Variants in TBC1D9 observed in about 807,000 individuals in gnomAD.
TBC1D9 encodes the protein TBC1 domain family member 9.
TBC1D9 carries 63 observed loss-of-function variants against 132.0 expected under a neutral mutation model. The observed-to-expected ratio is 0.48, with a 90% CI of 0.39 to 0.59. The LOEUF (loss-of-function observed/expected upper bound fraction) is 0.59, where lower values mean the gene tolerates loss of function less well. TBC1D9 is among the 20% of genes least tolerant of loss of function. TBC1D9 has a pLI of 0.00. For synonymous variants in TBC1D9, 610 were observed against 609.9 expected (o/e 1.00, Z 0.00); for missense variants, 1,261 against 1,592.7 (o/e 0.79, Z 3.54).
intron 2 of TBC1D9, among the ~76,000 whole-genome samples, chr4:140,686,708 T>C (rs1737787628): frequency 6.6e-6 from 1 of 152,144 alleles, no homozygotes; most frequent in Non-Finnish European, 1.5e-5. Context: ...TGCAGAGGCT[T>C]TGAGGACACT....
Position 140,745,218 on chromosome 4 carries a change from T to C in TBC1D9, c.130+10698A>G, listed in dbSNP as rs545557048. 1.7e-4 allele frequency among the ~76,000 whole-genome samples: 26 copies of C among 152,350 alleles called. No homozygotes were observed. In the South Asian group the frequency reaches 5.4e-3, roughly 32 times the overall value. ...ACCTTGGACATGTTCTCAGGACCTC[T>C]TGAGAATGTGCCTTGGACCACAGTC... On this transcript the variant is annotated intron_variant, in intron 1 of 20. Transcript: ENST00000442267.
At chr4:140,729,086 T>G (rs1182375529) in intron 1 of TBC1D9, among the ~76,000 whole-genome samples, 4 of 152,172 alleles carry the variant, frequency 2.6e-5, no homozygotes, top group Non-Finnish European at 5.9e-5. Context: ...CTTCTTACTC[T>G]TTCCTGTTTT....
chr4:140,661,061 C>G (rs1737351542), intron 10 of TBC1D9, among the ~76,000 whole-genome samples: 1 of 152,094 alleles, frequency 6.6e-6, no homozygotes, highest in African/African-American at 2.4e-5. Flanking sequence ...ACTACAGGCA[C>G]CTGCCACCAC....
At chr4:140,665,635 T>C (rs1737431109) in intron 9 of TBC1D9, among the ~76,000 whole-genome samples, 1 of 152,194 alleles carries the variant, frequency 6.6e-6, no homozygotes, top group Non-Finnish European at 1.5e-5. Flanking sequence ...AAAAAACCTG[T>C]ATTTAAAAAA....
At chr4:140,721,233 C>G (rs369005259) in intron 1 of TBC1D9, among the ~76,000 whole-genome samples, 1 of 152,152 alleles carries the variant, frequency 6.6e-6, no homozygotes, top group South Asian at 2.1e-4. Flanking sequence ...GTACTAGATA[C>G]GCCACACATA....
intron 2 of TBC1D9, among the ~76,000 whole-genome samples, chr4:140,697,015 G>A (rs1157811388): frequency 6.6e-6 from 1 of 152,100 alleles, no homozygotes; most frequent in Non-Finnish European, 1.5e-5. Flanking sequence ...AGAAGCTTCT[G>A]CTCTTAAAAT....
chr4:140,727,746 T>C (rs1738522798), intron 1 of TBC1D9, among the ~76,000 whole-genome samples: 1 of 151,948 alleles, frequency 6.6e-6, no homozygotes, highest in Non-Finnish European at 1.5e-5. Flanking sequence ...TAATATCTGT[T>C]CCATGAGTGA....
chr4:140,718,405 C>G (rs1738371883), intron 1 of TBC1D9, among the ~76,000 whole-genome samples: 1 of 152,106 alleles, frequency 6.6e-6, no homozygotes, highest in South Asian at 2.1e-4. Context: ...ATTACTCTCT[C>G]CTCTGAATGA....
Position 140,639,333 on chromosome 4 carries a change from G to C in TBC1D9, c.2433C>G (p.Asn811Lys). 1 of 1,609,336 alleles carries C rather than the reference G, an allele frequency of 6.2e-7. No homozygotes were observed. The highest frequency in any genetic ancestry group is 8.5e-7 in the Non-Finnish European group (1 of 1,177,464). The change falls in exon 14 of 21, where the codon AAC becomes AAG. Residue 811 changes from asparagine to lysine, a missense_variant. Asn to Lys is a moderately conservative substitution (Grantham distance 94, BLOSUM62 0). This residue lies in a region of TBC1D9 where 618 missense variants were observed against 724.4 expected (regional missense o/e 0.85). Transcript: ENST00000442267. The stretch of plus-strand genomic sequence containing the variant: ...TGCTACTTCTTAAAGGACTTACCAC[G>C]TTGCGTTTCGTAGTATCCTCCAGCG... ...IQTLEDTTKRNVVRTIVTETS... is the reference protein window; with the variant it reads ...IQTLEDTTKRKVVRTIVTETS...
chr4:140,753,559 T>C (rs1410146076), intron 1 of TBC1D9, among the ~76,000 whole-genome samples: 1 of 152,220 alleles, frequency 6.6e-6, no homozygotes, highest in Non-Finnish European at 1.5e-5. Context: ...CTTCCCTGGC[T>C]CCAGCTCTCA....
At chr4:140,718,477 A>T (rs1738373886) in intron 1 of TBC1D9, among the ~76,000 whole-genome samples, 1 of 152,164 alleles carries the variant, frequency 6.6e-6, no homozygotes, top group Admixed American at 6.6e-5. Flanking sequence ...ATTACCCCAC[A>T]TAAACCCAGG....
intron 16 of TBC1D9, among the ~76,000 whole-genome samples, chr4:140,632,022 T>C: frequency 6.6e-6 from 1 of 152,216 alleles, no homozygotes; most frequent in Admixed American, 6.5e-5. Flanking sequence ...GTTCTCCCAC[T>C]AATCTGGGGT....
chr4:140,677,029 A>T lies in TBC1D9; in HGVS notation c.924T>A (p.Asp308Glu). The T allele has an allele frequency of 6.2e-7, 1 of 1,614,020 alleles. No homozygotes were observed. The highest frequency in any genetic ancestry group is 8.5e-7 in the Non-Finnish European group (1 of 1,179,880). ...TCCAGAGAGTGCAGTCTGTGTGGCC[A>T]TCTAATTTTTCATCTTTGGGCAGCC... ...LFRLPKDEKL[D>E]GHTDCTLWTP... The change falls in exon 6 of 21, where the codon GAT (aspartate) becomes GAA (glutamate). Residue 308 changes from aspartate (D) to glutamate (E), a missense_variant. Physicochemically the swap from Asp to Glu is conservative, Grantham distance 45 (BLOSUM62 2). Transcript: ENST00000442267.
Position 140,622,537 on chromosome 4 carries a change from G to A in TBC1D9, c.3459C>T (p.Asp1153=), listed in dbSNP as rs766629558. Residue 1153 remains aspartate, a synonymous_variant, in exon 21 of 21, where the codon GAC becomes GAT. Coordinates refer to ENST00000442267, the MANE Select transcript of TBC1D9 (RefSeq NM_015130.3). ...TGGAGCTGTCGTCCTTGGTGTCGTC[G>A]TCAGAGATCAGCATGGAGGAGCAGG... ...NGACSSMLIS[D]DDTKDDSSMS... is the part of the protein sequence containing the mutation. The A allele has an allele frequency of 1.5e-5, 24 of 1,613,924 alleles. No homozygotes were observed. The highest frequency in any genetic ancestry group is 6.7e-5 in the African/African-American group (5 of 74,944).
chr4:140,691,305 T>C (rs2111030480), intron 2 of TBC1D9, among the ~76,000 whole-genome samples: 2 of 152,296 alleles, frequency 1.3e-5, no homozygotes, highest in South Asian at 4.1e-4. Context: ...AACCTGAGAC[T>C]CCAAAGGAAA....
chr4:140,698,749 G>C (rs967691262), intron 2 of TBC1D9, among the ~76,000 whole-genome samples: 4 of 151,016 alleles, frequency 2.6e-5, no homozygotes, highest in Non-Finnish European at 4.4e-5. Context: ...GGGGTGGGGG[G>C]GGGAAAGACA....
At chr4:140,743,389 G>T (rs146563920) in intron 1 of TBC1D9, among the ~76,000 whole-genome samples, 1 of 152,248 alleles carries the variant, frequency 6.6e-6, no homozygotes, top group African/African-American at 2.4e-5. Context: ...TTCATAACGG[G>T]TGCTAAAACG....
chr4:140,706,067 G>A lies in TBC1D9; in HGVS notation c.131-4453C>T, dbSNP rs567184405. ...GCACAGTCACCACTGCACAACTGCA[G>A]CCTAGCTGGGAGCTGGTACAGGTGG... On this transcript the variant is annotated intron_variant, in intron 1 of 20. Transcript: ENST00000442267. This position sits in a 1 kb window ranked among gnomAD's most constrained non-coding sequence, Gnocchi z 4.0. 3.9e-5 allele frequency among the ~76,000 whole-genome samples: 6 copies of A among 152,334 alleles called. No homozygotes were observed. The East Asian group carries it at 9.7e-4, about 25-fold the overall frequency.
intron 6 of TBC1D9, among the ~76,000 whole-genome samples, 186 bp downstream of exon 6, chr4:140,676,705 GGAA>G (rs1046766747): frequency 1.3e-5 from 2 of 151,978 alleles, no homozygotes; most frequent in African/African-American, 4.8e-5. Context: ...TGCAGCTTCT[GGAA>G]GAAGAGATCT....
Sources: gnomAD v4.1 joint callset for allele counts (sites outside exome capture counted in the v4.1 genomes callset) on GRCh38, gnomAD v4.1.1 for gene constraint, gnomAD v4.1.1 regional missense constraint, Gnocchi (gnomAD v3.1) non-coding constraint, MANE v1.5 for transcripts, NCBI Gene and HGNC (gene_info 2026-07-23, HGNC 2026-07-21) for gene names.